The following PDGFC variants were observed in gnomAD, a reference collection of about 807,000 sequenced individuals.
PDGFC encodes platelet-derived growth factor C.
A neutral mutation model predicts 35.5 loss-of-function variants in PDGFC; 12 were observed. The ratio of observed to expected loss-of-function variants is 0.34; its 90% CI spans 0.22 to 0.55. The LOEUF is 0.55. Among genes scored for constraint, PDGFC ranks in the 20% least tolerant of loss-of-function variants. PDGFC has a pLI of 0.91. For missense variants in PDGFC, 322 were observed against 412.4 expected (o/e 0.78, Z 1.90); for synonymous variants, 159 against 148.8 (o/e 1.07, Z -0.50).
rs190136531 is a variant in PDGFC, at chr4:156,791,674, A to C, written c.496-18781T>G. ...AGATTTTACATATTTAAATTTTAAA[A>C]CAAAATTATATGTATTTATTTTGTT... On this transcript the variant is annotated intron_variant, in intron 3 of 5. Coordinates refer to ENST00000502773, the MANE Select transcript of PDGFC (RefSeq NM_016205.3). Among the ~76,000 whole-genome samples, 61 of 152,322 alleles carry C rather than the reference A, an allele frequency of 4.0e-4. No homozygotes were observed. In the East Asian group the frequency reaches 8.3e-3, roughly 21 times the overall value.
chr4:156,884,921 T>C (rs1730338332), intron 1 of PDGFC, among the ~76,000 whole-genome samples: 1 of 152,182 alleles, frequency 6.6e-6, no homozygotes, highest in Admixed American at 6.5e-5. Flanking sequence ...CAACATGGCA[T>C]CCAGTCTATC....
In PDGFC at chr4:156,970,861, C is replaced by T; in HGVS notation, c.43G>A (p.Gly15Ser). Residue 15 changes from glycine (G) to serine (S), a missense_variant, in exon 1 of 6, where the codon GGC becomes AGC. Physicochemically the swap from Gly to Ser is moderately conservative, Grantham distance 56. This residue lies in a region of PDGFC where 120 missense variants were observed against 116.6 expected (regional missense o/e 1.03). Transcript: ENST00000502773. Reference protein sequence around the residue: ...GLLLLTSALAGQRQGTQAESN... With the variant: ...GLLLLTSALASQRQGTQAESN... ...TCCGCCTGAGTCCCCTGTCTCTGGC[C>T]GGCCAGGGCAGATGTCAGCAGGAGA... 2.5e-6 allele frequency: 4 copies of T among 1,613,896 alleles called. No homozygotes were observed. The highest frequency in any genetic ancestry group is 3.4e-6 in the Non-Finnish European group (4 of 1,179,872).
chr4:156,778,568 T>TTG (rs975359295), intron 3 of PDGFC, among the ~76,000 whole-genome samples: 1 of 152,192 alleles, frequency 6.6e-6, no homozygotes, highest in African/African-American at 2.4e-5. Context: ...TTTTCTGCAC[T>TTG]TGTTAACATC....
Position 156,971,577 on chromosome 4 carries a change from G to T in PDGFC, c.-674C>A, listed in dbSNP as rs933735825. Among the ~76,000 whole-genome samples, 1 of 151,356 alleles carries T rather than the reference G, an allele frequency of 6.6e-6. No homozygotes were observed. Among genetic ancestry groups the T allele is most frequent in the Non-Finnish European group, 1.5e-5 (1 of 67,756 alleles). On this transcript the variant is annotated 5_prime_UTR_variant, in exon 1 of 6. In the 5' UTR this introduces an upstream ATG that the reference lacks. Transcript: ENST00000502773. The stretch of plus-strand genomic sequence containing the variant: ...CTCCCGCTCCTCAGCCCGGAGCGCA[G>T]TTGGCCCCGGGTTCGGAGCGCCGCA...
At chr4:156,776,111 A>T (rs1461463472) in intron 3 of PDGFC, among the ~76,000 whole-genome samples, 1 of 152,204 alleles carries the variant, frequency 6.6e-6, no homozygotes, top group Non-Finnish European at 1.5e-5. Context: ...GGAGCAATGA[A>T]AAAAAGAAGT....
chr4:156,936,610 T>A (rs561361992), intron 1 of PDGFC, among the ~76,000 whole-genome samples: 1 of 151,944 alleles, frequency 6.6e-6, no homozygotes, highest in African/African-American at 2.4e-5. Flanking sequence ...GAAAAGGCAA[T>A]TGGAAAAAGA....
Position 156,868,966 on chromosome 4 carries a change from T to C in PDGFC, c.119-18550A>G, listed in dbSNP as rs550132020. Among the ~76,000 whole-genome samples, 3 of 152,278 alleles carry C rather than the reference T, an allele frequency of 2.0e-5. No individual in the cohort carries two copies. The East Asian group carries it at 5.8e-4, about 29-fold the overall frequency. On this transcript the variant is annotated intron_variant, in intron 1 of 5. Transcript: ENST00000502773. Reference sequence around the variant, plus strand: ...TCCAAAATGTTCCAAACTCAATATATCCTACTGCAAACTCACGATCAGTTT... The same window carrying C: ...TCCAAAATGTTCCAAACTCAATATACCCTACTGCAAACTCACGATCAGTTT...
chr4:156,871,728 T>C (rs143486216), intron 1 of PDGFC, among the ~76,000 whole-genome samples: 85 of 152,232 alleles, frequency 5.6e-4, no homozygotes, highest in African/African-American at 1.9e-3. Context: ...AATTAAAAAC[T>C]ATTTTAAAAA....
At chr4:156,828,614 A>T (rs940472703) in intron 2 of PDGFC, among the ~76,000 whole-genome samples, 2 of 152,170 alleles carry the variant, frequency 1.3e-5, no homozygotes, top group African/African-American at 4.8e-5. Context: ...GTATATATGT[A>T]ATTATGTATA....
chr4:156,968,835 C>T (rs1227252016), intron 1 of PDGFC, among the ~76,000 whole-genome samples: 1 of 152,126 alleles, frequency 6.6e-6, no homozygotes, highest in East Asian at 1.9e-4. Flanking sequence ...CAATTTTTAG[C>T]ATCATGCATC....
At chr4:156,938,373 A>C (rs1356360188) in intron 1 of PDGFC, among the ~76,000 whole-genome samples, 1 of 152,200 alleles carries the variant, frequency 6.6e-6, no homozygotes, top group Admixed American at 6.5e-5. Flanking sequence ...GTTAGAATCC[A>C]TGAAGCAGTT....
chr4:156,924,960 A>G (rs184333282), intron 1 of PDGFC, among the ~76,000 whole-genome samples: 32 of 151,518 alleles, frequency 2.1e-4, no homozygotes, highest in African/African-American at 6.1e-4. Flanking sequence ...CTGTCCTCAC[A>G]CAGTGAAAGA....
intron 1 of PDGFC, among the ~76,000 whole-genome samples, chr4:156,929,456 C>T (rs1043415532): frequency 4.1e-5 from 6 of 146,720 alleles, no homozygotes; most frequent in African/African-American, 7.5e-5. Flanking sequence ...AATCAGCATT[C>T]GTAGCAAAAA....
In PDGFC at chr4:156,852,763, G is replaced by A. The variant is rs950772759; in HGVS notation, c.119-2347C>T. Among the ~76,000 whole-genome samples, 3 of 152,298 alleles carry A rather than the reference G, an allele frequency of 2.0e-5. No individual in the cohort carries two copies. The South Asian group carries it at 6.2e-4, about 32-fold the overall frequency. ...TAAACCCAGAGAAATTTCAAAGTGT[G>A]AGAGATACTTCAACAGGAGGGTGAT... On this transcript the variant is annotated intron_variant, in intron 1 of 5. Transcript: ENST00000502773.
chr4:156,839,725 G>C (rs1369787368), intron 2 of PDGFC, among the ~76,000 whole-genome samples: 1 of 152,206 alleles, frequency 6.6e-6, no homozygotes, highest in African/African-American at 2.4e-5. Context: ...TCAGAAGACA[G>C]GAAGATTTGG....
At chr4:156,905,446 A>G (rs1730893216) in intron 1 of PDGFC, among the ~76,000 whole-genome samples, 1 of 152,102 alleles carries the variant, frequency 6.6e-6, no homozygotes, top group Non-Finnish European at 1.5e-5. Context: ...ATAGTTGCCC[A>G]TAATGTGCAA....
At chr4:156,895,106 G>A (rs1413130800) in intron 1 of PDGFC, among the ~76,000 whole-genome samples, 1 of 152,042 alleles carries the variant, frequency 6.6e-6, no homozygotes, top group Non-Finnish European at 1.5e-5. Flanking sequence ...CATCCTAAAG[G>A]GGAGGGCCCA....
At chr4:156,763,822 T>C (rs1730448736) in intron 5 of PDGFC, among the ~76,000 whole-genome samples, 2 of 152,174 alleles carry the variant, frequency 1.3e-5, no homozygotes, top group Admixed American at 1.3e-4. Context: ...TACTGTGCAG[T>C]GAGAAGAGGT....
intron 4 of PDGFC, among the ~76,000 whole-genome samples, chr4:156,768,969 A>C (rs1360035692): frequency 6.6e-6 from 1 of 151,972 alleles, no homozygotes; most frequent in East Asian, 1.9e-4. Flanking sequence ...ATTAGGATAA[A>C]GACTTCTAAT....
Sources: allele counts gnomAD v4.1 joint callset (sites outside exome capture counted in the v4.1 genomes callset), GRCh38; gene constraint gnomAD v4.1.1; regional missense constraint gnomAD v4.1.1; transcripts MANE v1.5; gene names NCBI Gene and HGNC (gene_info 2026-07-23, HGNC 2026-07-21).